The following ADAMTS17 variants were observed in gnomAD, a reference collection of about 807,000 sequenced individuals.
ADAMTS17 encodes the protein ADAM metallopeptidase with thrombospondin type 1 motif 17, also known as A disintegrin and metalloproteinase with thrombospondin motifs 17.
ADAMTS17 carries 113 observed loss-of-function variants against 141.5 expected under a neutral mutation model. The ratio of observed to expected loss-of-function variants is 0.80; its 90% CI spans 0.69 to 0.93. The LOEUF is 0.93. Ranked by LOEUF, ADAMTS17 falls within the 40% of genes least tolerant of loss-of-function variation. The pLI is 0.00. For missense variants in ADAMTS17, 1,659 were observed against 1,517.9 expected (o/e 1.09, Z -1.54); for synonymous variants, 768 against 630.6 (o/e 1.22, Z -3.27).
At chr15:100,177,341 T>A (rs2040372938) in intron 8 of ADAMTS17, among the ~76,000 whole-genome samples, 1 of 152,228 alleles carries the variant, frequency 6.6e-6, no homozygotes. Context: ...TTTGATAAAA[T>A]GGGTTTTCAT....
chr15:100,079,653 T>A (rs1001914334), intron 15 of ADAMTS17, among the ~76,000 whole-genome samples: 2 of 152,176 alleles, frequency 1.3e-5, no homozygotes, highest in South Asian at 4.1e-4. Flanking sequence ...AAGTTGATTA[T>A]ATTGTACCTT....
chr15:99,974,336 G>A lies in ADAMTS17; in HGVS notation c.*66C>T. 3.1e-6 allele frequency: 5 copies of A among 1,607,252 alleles called. No homozygotes were observed. Among genetic ancestry groups the A allele is most frequent in the Non-Finnish European group, 4.2e-6 (5 of 1,176,528 alleles). On this transcript the variant is annotated 3_prime_UTR_variant, in exon 22 of 22. Transcript: ENST00000268070. ...GGGTGGGGGCGTGGCCACAAGGCTGGTAGGCTTGCGGGTGGGTGGGTTTCA... is the reference window on the plus strand; with the variant it reads ...GGGTGGGGGCGTGGCCACAAGGCTGATAGGCTTGCGGGTGGGTGGGTTTCA...
At chr15:100,262,329 G>C (rs779940916) in intron 5 of ADAMTS17, 23 bp downstream of exon 5, 21 of 1,609,178 alleles carry the variant, frequency 1.3e-5, no homozygotes, top group Non-Finnish European at 1.7e-5. Context: ...CTGCTTGCTT[G>C]AAAGGTGCCT....
chr15:100,265,371 T>C (rs2043674510), intron 4 of ADAMTS17, among the ~76,000 whole-genome samples: 1 of 152,216 alleles, frequency 6.6e-6, no homozygotes, highest in African/African-American at 2.4e-5. Context: ...GCTATATGTT[T>C]AGGGAGACAC....
chr15:100,308,498 A>AC (rs1483100204), intron 3 of ADAMTS17, among the ~76,000 whole-genome samples: 1 of 152,170 alleles, frequency 6.6e-6, no homozygotes, highest in African/African-American at 2.4e-5. Context: ...TCTTGCTACA[A>AC]CTTGAACAGC....
chr15:100,243,712 C>T (rs180820370), intron 7 of ADAMTS17, among the ~76,000 whole-genome samples: 21 of 151,460 alleles, frequency 1.4e-4, no homozygotes, highest in Admixed American at 1.3e-3. Context: ...ACTGCTGGAA[C>T]CCGGGAGGCA....
Position 100,053,973 on chromosome 15 carries a change from GT to G in ADAMTS17, c.2218del (p.Thr740LeufsTer5). ...CAGCCCCCTTCTCACATAGCGAACA[GT>G]TGTGCCTGCAATCTGGAACTCTCCG... is the stretch of plus-strand genomic sequence containing the variant. ...LPGEFQIAGT[T>X]VRYVRRGLWE... On this transcript the variant is annotated frameshift_variant, in exon 16 of 22. Coordinates refer to ENST00000268070, the MANE Select transcript of ADAMTS17 (RefSeq NM_139057.4). LOFTEE classifies it high-confidence loss of function. 6.2e-7 allele frequency: 1 copy of G among 1,614,204 alleles called. No individual in the cohort carries two copies. The highest frequency in any genetic ancestry group is 8.5e-7 in the Non-Finnish European group (1 of 1,180,040).
At chr15:100,077,020 G>A (rs2034424844) in intron 15 of ADAMTS17, among the ~76,000 whole-genome samples, 1 of 151,992 alleles carries the variant, frequency 6.6e-6, no homozygotes, top group Non-Finnish European at 1.5e-5. Flanking sequence ...AAACAACACT[G>A]TATCATATAT....
In ADAMTS17 at chr15:100,249,444, G is replaced by C. The variant is rs561757323; in HGVS notation, c.1075+4692C>G. Among the ~76,000 whole-genome samples, 58 of 152,354 alleles carry C rather than the reference G, an allele frequency of 3.8e-4. 1 individual carries two copies. In the East Asian group the frequency reaches 6.2e-3, roughly 16 times the overall value. ...GTTGCCTCTCCTATGGAAGCCCAAA[G>C]GCCAGAATCTCCCTCACTCCAGTGC... is the stretch of plus-strand genomic sequence containing the variant. On this transcript the variant is annotated intron_variant, in intron 7 of 21. Transcript: ENST00000268070.
chr15:100,201,449 C>T (rs2041330286), intron 7 of ADAMTS17, among the ~76,000 whole-genome samples: 1 of 152,164 alleles, frequency 6.6e-6, no homozygotes, highest in South Asian at 2.1e-4. Flanking sequence ...TCAATTAAAC[C>T]TCTTTCCTTT....
At chr15:100,063,783 G>A (rs895919535) in intron 15 of ADAMTS17, 10 of 1,283,726 alleles carry the variant, frequency 7.8e-6, no homozygotes, top group South Asian at 1.2e-5. Flanking sequence ...CGACACAGAA[G>A]TAAACCACAC....
At chr15:100,001,827 C>CTG in intron 18 of ADAMTS17, among the ~76,000 whole-genome samples, 1 of 151,070 alleles carries the variant, frequency 6.6e-6, no homozygotes, top group African/African-American at 2.4e-5. Context: ...AAAATAGCCC[C>CTG]CCGTGGTGGT....
At chr15:99,992,595 C>T (rs181084435) in intron 20 of ADAMTS17, among the ~76,000 whole-genome samples, 2 of 152,220 alleles carry the variant, frequency 1.3e-5, no homozygotes, top group Non-Finnish European at 1.5e-5. Context: ...GATACTCCTC[C>T]CTGCTACCAC....
At chr15:100,082,782 T>C (rs2034836707) in intron 15 of ADAMTS17, among the ~76,000 whole-genome samples, 1 of 131,104 alleles carries the variant, frequency 7.6e-6, no homozygotes, top group Non-Finnish European at 1.7e-5. Flanking sequence ...TTTTTTTTTT[T>C]CAGTTCATCT....
At chr15:100,230,467 T>C (rs2042445526) in intron 7 of ADAMTS17, among the ~76,000 whole-genome samples, 1 of 152,200 alleles carries the variant, frequency 6.6e-6, no homozygotes. Flanking sequence ...GGGAGGGATC[T>C]GAGGCCAGCA....
intron 18 of ADAMTS17, among the ~76,000 whole-genome samples, chr15:100,044,087 A>C (rs1350893960): frequency 1.3e-5 from 2 of 152,202 alleles, no homozygotes; most frequent in Non-Finnish European, 2.9e-5. Context: ...AAAATCACGA[A>C]CTTGATATAC....
At chr15:100,176,295 T>C (rs554447480) in intron 8 of ADAMTS17, among the ~76,000 whole-genome samples, 1 of 152,218 alleles carries the variant, frequency 6.6e-6, no homozygotes, top group Admixed American at 6.5e-5. Flanking sequence ...AGGAGGAAGA[T>C]GACATTTATG....
intron 10 of ADAMTS17, among the ~76,000 whole-genome samples, chr15:100,143,857 T>A (rs1053808767): frequency 6.6e-6 from 1 of 152,220 alleles, no homozygotes; most frequent in African/African-American, 2.4e-5. Flanking sequence ...TACCCACACC[T>A]TTGAGTAGGG....
chr15:100,270,340 G>A (rs949859359), intron 4 of ADAMTS17, among the ~76,000 whole-genome samples: 2 of 150,740 alleles, frequency 1.3e-5, no homozygotes, highest in East Asian at 4.1e-4. Context: ...AAGACCTAGA[G>A]GAGATGGCCC....
Sources: allele counts gnomAD v4.1 joint callset (sites outside exome capture counted in the v4.1 genomes callset), GRCh38; gene constraint gnomAD v4.1.1; transcripts MANE v1.5; gene names NCBI Gene and HGNC (gene_info 2026-07-23, HGNC 2026-07-21).